CSMD1: variants seen among roughly 807,000 people sequenced by gnomAD.
The protein encoded by CSMD1 is CUB and sushi domain-containing protein 1.
Under a neutral mutation model 417.5 loss-of-function variants are expected in CSMD1, and 213 were observed. The observed-to-expected ratio is 0.51, with a 90% CI of 0.46 to 0.57. The LOEUF (loss-of-function observed/expected upper bound fraction) is 0.57, where lower values mean the gene tolerates loss of function less well. Ranked by LOEUF, CSMD1 falls within the 20% of genes least tolerant of loss-of-function variation. CSMD1 has a pLI of 0.00. For missense variants in CSMD1, 6,923 were observed against 4,529.7 expected (o/e 1.53, Z -15.17); for synonymous variants, 2,862 against 1,736.8 (o/e 1.65, Z -16.11).
chr8:4,723,683 T>C (rs1186345853), intron 1 of CSMD1, among the ~76,000 whole-genome samples: 1 of 151,916 alleles, frequency 6.6e-6, no homozygotes. Context: ...CACATTTTTG[T>C]TGAATTTCTG....
intron 1 of CSMD1, among the ~76,000 whole-genome samples, chr8:4,729,575 C>G (rs548266947): frequency 6.6e-6 from 1 of 152,124 alleles, no homozygotes; most frequent in East Asian, 1.9e-4. Context: ...TTCGATATTG[C>G]TAGAGAAACA....
chr8:3,910,113 T>G (rs138708702), intron 5 of CSMD1, among the ~76,000 whole-genome samples: 3,357 of 152,308 alleles, frequency 0.022, 62 homozygotes, highest in South Asian at 0.053. Flanking sequence ...GAACATCAAC[T>G]GTGGATAATA....
chr8:3,842,831 G>A (rs998763985), intron 5 of CSMD1, among the ~76,000 whole-genome samples: 2 of 152,118 alleles, frequency 1.3e-5, no homozygotes, highest in Non-Finnish European at 2.9e-5. Context: ...ATTAGCAGAT[G>A]GCTGCTACAA....
At chr8:4,060,296 G>C (rs1017947227) in intron 3 of CSMD1, among the ~76,000 whole-genome samples, 1 of 152,098 alleles carries the variant, frequency 6.6e-6, no homozygotes, top group Non-Finnish European at 1.5e-5. Flanking sequence ...ACGTATCTCA[G>C]AATAATAAGA....
At chr8:4,412,012 G>GTGTC (rs1796677059) in intron 3 of CSMD1, among the ~76,000 whole-genome samples, 1 of 150,966 alleles carries the variant, frequency 6.6e-6, no homozygotes, top group African/African-American at 2.5e-5. Flanking sequence ...GTGTGTGTGT[G>GTGTC]TGTGTAGCCA....
At chr8:3,936,809 G>A (rs926098391) in intron 5 of CSMD1, among the ~76,000 whole-genome samples, 1 of 152,136 alleles carries the variant, frequency 6.6e-6, no homozygotes, top group African/African-American at 2.4e-5. Context: ...TAAGAAATAT[G>A]TTTCATAAGG....
chr8:2,973,254 C>A lies in CSMD1; in HGVS notation c.8786G>T (p.Gly2929Val). 1 of 1,613,942 alleles carries A rather than the reference C, an allele frequency of 6.2e-7. No individual in the cohort carries two copies. The highest frequency in any genetic ancestry group is 8.5e-7 in the Non-Finnish European group (1 of 1,179,844). ...FCGDPGTPAH[G>V]SRLGDDFKTK... ...CTTAAAGTCATCACCAAGCCGAGAC[C>A]CATGTGCTGGGGTCCCCGGATCACC... The change falls in exon 57 of 70, where the codon GGG becomes GTG. Residue 2929 changes from glycine (G) to valine (V), a missense_variant. By Grantham distance (109) the Gly-to-Val change is moderately radical. Coordinates refer to ENST00000635120, the MANE Select transcript of CSMD1 (RefSeq NM_033225.6).
chr8:4,199,772 G>C (rs909307546), intron 3 of CSMD1, among the ~76,000 whole-genome samples: 1 of 152,068 alleles, frequency 6.6e-6, no homozygotes, highest in Admixed American at 6.6e-5. Context: ...GAAGACTCAA[G>C]GATAACATGC....
chr8:3,047,111 G>A (rs926455755), intron 50 of CSMD1, among the ~76,000 whole-genome samples: 1 of 151,118 alleles, frequency 6.6e-6, no homozygotes, highest in African/African-American at 2.4e-5. Flanking sequence ...AGGAGACTGA[G>A]GCAGGAGAAT....
intron 1 of CSMD1, among the ~76,000 whole-genome samples, chr8:4,920,386 G>A (rs1007327518): frequency 6.6e-6 from 1 of 152,196 alleles, no homozygotes; most frequent in Non-Finnish European, 1.5e-5. Context: ...TGGAAATGCT[G>A]GCAGTATAAA....
chr8:4,916,538 T>A (rs1806078334), intron 1 of CSMD1, among the ~76,000 whole-genome samples: 1 of 152,188 alleles, frequency 6.6e-6, no homozygotes, highest in South Asian at 2.1e-4. Flanking sequence ...TTGTTTAGAA[T>A]GAGAAAATGC....
chr8:4,105,847 C>A (rs930467751), intron 3 of CSMD1, among the ~76,000 whole-genome samples: 6 of 152,216 alleles, frequency 3.9e-5, no homozygotes, highest in Non-Finnish European at 4.4e-5. Flanking sequence ...CCATGACCCT[C>A]TGAGCTTCCC....
intron 50 of CSMD1, among the ~76,000 whole-genome samples, chr8:3,051,750 T>G (rs1003183275): frequency 6.6e-6 from 1 of 152,228 alleles, no homozygotes; most frequent in African/African-American, 2.4e-5. Context: ...GAAGTTACAT[T>G]ATTTCCAATT....
chr8:3,408,802 T>C lies in CSMD1; in HGVS notation c.1745-577A>G, dbSNP rs147268913. Among the ~76,000 whole-genome samples the C allele has an allele frequency of 9.2e-5, 14 of 152,218 alleles. No individual in the cohort carries two copies. The East Asian group carries it at 2.7e-3, about 29-fold the overall frequency. The stretch of plus-strand genomic sequence containing the variant: ...TGTGTACTTAAAATCATATATATTA[T>C]ATAAATAATTTTTTGGAGGGAGAAA... On this transcript the variant is annotated intron_variant, in intron 13 of 69. Coordinates refer to ENST00000635120, the MANE Select transcript of CSMD1 (RefSeq NM_033225.6).
At chr8:4,558,538 G>A (rs1017006034) in intron 2 of CSMD1, among the ~76,000 whole-genome samples, 1 of 152,106 alleles carries the variant, frequency 6.6e-6, no homozygotes, top group Non-Finnish European at 1.5e-5. Context: ...GACTCCGAAA[G>A]CAAGTACCTT....
intron 3 of CSMD1, among the ~76,000 whole-genome samples, chr8:4,121,871 T>G (rs1480485631): frequency 6.6e-6 from 1 of 151,996 alleles, no homozygotes; most frequent in Admixed American, 6.6e-5. Flanking sequence ...TCCAAGAAAT[T>G]TAAACTATTA....
At chr8:4,183,379 C>T (rs770792968) in intron 3 of CSMD1, among the ~76,000 whole-genome samples, 1 of 152,124 alleles carries the variant, frequency 6.6e-6, no homozygotes, top group Non-Finnish European at 1.5e-5. Context: ...CTTCTTCTTT[C>T]AATAAGGAAG....
chr8:4,531,202 T>G (rs567081352), intron 2 of CSMD1, among the ~76,000 whole-genome samples: 1 of 152,332 alleles, frequency 6.6e-6, no homozygotes, highest in South Asian at 2.1e-4. Context: ...ATCAGTGACG[T>G]ACAGTTGTTT....
At chr8:3,527,865 A>G (rs1289799811) in intron 10 of CSMD1, among the ~76,000 whole-genome samples, 1 of 152,204 alleles carries the variant, frequency 6.6e-6, no homozygotes, top group East Asian at 1.9e-4. Context: ...ACATTTAGAA[A>G]CAGGTTTCTC....
Sources: allele counts gnomAD v4.1 joint callset (sites outside exome capture counted in the v4.1 genomes callset), GRCh38; gene constraint gnomAD v4.1.1; transcripts MANE v1.5; gene names NCBI Gene and HGNC (gene_info 2026-07-23, HGNC 2026-07-21).